The following TAF1A variants were observed in gnomAD, a reference collection of about 807,000 sequenced individuals.
TAF1A encodes TATA box-binding protein-associated factor RNA polymerase I subunit A.
A neutral mutation model predicts 61.6 loss-of-function variants in TAF1A; 42 were observed. The observed-to-expected ratio is 0.68, with a 90% CI of 0.53 to 0.88. The LOEUF (loss-of-function observed/expected upper bound fraction) is 0.88. TAF1A is among the 40% of genes least tolerant of loss of function. TAF1A has a pLI of 0.00. For missense variants in TAF1A, 424 were observed against 518.7 expected (o/e 0.82, Z 1.77); for synonymous variants, 179 against 177.7 (o/e 1.01, Z -0.06).
At chr1:222,583,425 C>T (rs1279242847) in intron 3 of TAF1A, among the ~76,000 whole-genome samples, 16 of 36,846 alleles carry the variant, frequency 4.3e-4, no homozygotes, top group Non-Finnish European at 7.4e-4. Context: ...CTTGATAAAA[C>T]GAAAAAAAAA....
chr1:222,571,668 A>G (rs901655837), intron 5 of TAF1A, among the ~76,000 whole-genome samples: 7 of 152,138 alleles, frequency 4.6e-5, no homozygotes, highest in African/African-American at 1.7e-4. Flanking sequence ...AAATTTTACA[A>G]AAGAGATGCA....
chr1:222,586,849 A>G (rs960058764), intron 2 of TAF1A, among the ~76,000 whole-genome samples: 1 of 152,254 alleles, frequency 6.6e-6, no homozygotes, highest in African/African-American at 2.4e-5. Context: ...TTTTCCTATT[A>G]TGGTTAATTA....
In TAF1A at chr1:222,558,617, A is replaced by T; in HGVS notation, c.*43T>A. 1 of 1,042,946 alleles carries T rather than the reference A, an allele frequency of 9.6e-7. No homozygotes were observed. The highest frequency in any genetic ancestry group is 1.4e-6 in the Non-Finnish European group (1 of 734,290). 64.6% of individuals were successfully genotyped at this position (1,042,946 alleles called of 1,614,324 possible). Reference sequence around the variant, plus strand: ...ACATTCAATAACTATCTACCAAGCTACTTACTGTGTAGCTACAACTGTGAA... The same window carrying T: ...ACATTCAATAACTATCTACCAAGCTTCTTACTGTGTAGCTACAACTGTGAA... On this transcript the variant is annotated 3_prime_UTR_variant, in exon 11 of 11. Transcript: ENST00000352967.
intron 10 of TAF1A, among the ~76,000 whole-genome samples, chr1:222,560,386 G>C (rs1184660387): frequency 1.3e-5 from 2 of 152,170 alleles, no homozygotes; most frequent in African/African-American, 4.8e-5. Context: ...AATAAGATGG[G>C]TGTTACAATG....
At chr1:222,579,656 C>T (rs1660706086) in intron 4 of TAF1A, 103 bp downstream of exon 4, 1 of 1,362,678 alleles carries the variant, frequency 7.3e-7, no homozygotes, top group African/African-American at 1.5e-5. Context: ...AATGTCTTAT[C>T]CTTGTCCCAC....
Position 222,589,815 on chromosome 1 carries a change from G to C in TAF1A, c.-91C>G, listed in dbSNP as rs1399959794. 2.7e-6 allele frequency: 1 copy of C among 369,788 alleles called. No homozygotes were observed. 22.9% of individuals were successfully genotyped at this position (369,788 alleles called of 1,614,324 possible). A position where few individuals can be genotyped will look rare whatever the true frequency, so the allele number is the denominator to read the frequency against. ...AAATTCCCACCGGAAGACGAGTTAG[G>C]AGAGCTTTATATGAGCAGGCGCTAA... On this transcript the variant is annotated 5_prime_UTR_variant, in exon 1 of 11. Transcript: ENST00000352967.
Position 222,563,235 on chromosome 1 carries a change from T to A in TAF1A, c.1023A>T (p.Gly341=). 6.2e-7 allele frequency: 1 copy of A among 1,612,868 alleles called. No homozygotes were observed. Among genetic ancestry groups the A allele is most frequent in the African/African-American group, 1.3e-5 (1 of 74,978 alleles). The change falls in exon 9 of 11, where the codon GGA becomes GGT. Residue 341 remains glycine, a synonymous_variant. Transcript: ENST00000352967. Reference sequence around the variant, plus strand: ...TCCAAGCAGTTATATTCTTAGTGCATCCGGCAAAATCTAAGACTCCAAATA... The same window carrying A: ...TCCAAGCAGTTATATTCTTAGTGCAACCGGCAAAATCTAAGACTCCAAATA... ...EVLFGVLDFA[G]CTKNITAWKY...
chr1:222,576,248 C>T (rs1660568195), intron 5 of TAF1A, among the ~76,000 whole-genome samples: 1 of 152,074 alleles, frequency 6.6e-6, no homozygotes, highest in African/African-American at 2.4e-5. Context: ...GGAGACTCTA[C>T]AAAGGCCTCA....
At position 222,569,790 on chromosome 1, in the gene TAF1A, A is replaced by AC; in HGVS notation, c.736-123_736-122insG. On this transcript the variant is annotated intron_variant, in intron 6 of 10. Transcript: ENST00000352967. ...AAATCACAAAACTGACAGGGTTCCCATTTTTTCCCTGTATTTTGTTACTAC... is the reference window on the plus strand; with the variant it reads ...AAATCACAAAACTGACAGGGTTCCCACTTTTTTCCCTGTATTTTGTTACTAC... 8.2e-6 allele frequency: 7 copies of AC among 857,512 alleles called. No homozygotes were observed. The South Asian group carries it at 1.4e-4, about 17-fold the overall frequency. The allele number at this position is 857,512 out of a possible 1,614,324, so 53.1% of individuals were successfully genotyped here. A position where few individuals can be genotyped will look rare whatever the true frequency, so the allele number is the denominator to read the frequency against.
At chr1:222,588,607 A>C in intron 1 of TAF1A, 42 bp from the exon 2 acceptor site, 1 of 1,598,500 alleles carries the variant, frequency 6.3e-7, no homozygotes, top group Non-Finnish European at 8.5e-7. Context: ...GTACATCTTA[A>C]TCCACAGTCT....
Position 222,588,467 on chromosome 1 carries a change from G to A in TAF1A, c.97C>T (p.Leu33Phe). 1 of 1,613,764 alleles carries A rather than the reference G, an allele frequency of 6.2e-7. No individual in the cohort carries two copies. Among genetic ancestry groups the A allele is most frequent in the Non-Finnish European group, 8.5e-7 (1 of 1,179,924 alleles). ...CCCACAGTTTCTACGTATGTTTGAA[G>A]CCAAGGAAAATGCATTCCTGCACCA... is the stretch of plus-strand genomic sequence containing the variant. ...LSGAGMHFPW[L>F]QTYVETVAIG... The change falls in exon 2 of 11, where the codon CTT (leucine) becomes TTT (phenylalanine). Residue 33 changes from leucine (L) to phenylalanine (F), a missense_variant. Leu to Phe is a conservative substitution (Grantham distance 22). Transcript: ENST00000352967.
chr1:222,565,321 A>G (rs1391994309), intron 7 of TAF1A, among the ~76,000 whole-genome samples: 1 of 152,210 alleles, frequency 6.6e-6, no homozygotes, highest in African/African-American at 2.4e-5. Flanking sequence ...GTTTAGCCTG[A>G]TATTTTCTAT....
At chr1:222,576,475 T>G (rs956782093) in intron 5 of TAF1A, among the ~76,000 whole-genome samples, 1 of 152,208 alleles carries the variant, frequency 6.6e-6, no homozygotes, top group African/African-American at 2.4e-5. Flanking sequence ...AGAGATTAGG[T>G]TAATCTCGAG....
At chr1:222,577,863 A>G (rs1417290572) in intron 4 of TAF1A, among the ~76,000 whole-genome samples, 2 of 152,212 alleles carry the variant, frequency 1.3e-5, no homozygotes, top group African/African-American at 2.4e-5. Flanking sequence ...ACTTACAAAC[A>G]AAAGACAGTG....
chr1:222,570,743 C>A, intron 5 of TAF1A, 78 bp from the exon 6 acceptor site: 1 of 1,403,524 alleles, frequency 7.1e-7, no homozygotes, highest in Non-Finnish European at 9.5e-7. Flanking sequence ...AAAAAACTAT[C>A]TGCGAGAAAA....
intron 4 of TAF1A, among the ~76,000 whole-genome samples, chr1:222,578,720 A>C (rs1660669121): frequency 6.6e-6 from 1 of 151,936 alleles, no homozygotes; most frequent in East Asian, 1.9e-4. Context: ...TTATCTTCTC[A>C]CCATTTGTTA....
rs1660615332 is a variant in TAF1A at position 222,577,433 on chromosome 1, G to GT, written c.604+11dup. Reference sequence around the variant, plus strand: ...TCTCATCATAAGAAAAAGTTTACCTGTATTCACTTACCAAGCTTTGACAAT... The same window carrying GT: ...TCTCATCATAAGAAAAAGTTTACCTGTTATTCACTTACCAAGCTTTGACAAT... On this transcript the variant is annotated intron_variant, in intron 5 of 10. Transcript: ENST00000352967. 4 of 1,611,978 alleles carry GT rather than the reference G, an allele frequency of 2.5e-6. No homozygotes were observed. Among genetic ancestry groups the GT allele is most frequent in the Non-Finnish European group, 3.4e-6 (4 of 1,178,428 alleles).
downstream of TAF1A, chr1:222,557,880 G>GTTTTTTTT (rs1226541871): frequency 4.3e-5 from 5 of 115,632 alleles, no homozygotes; most frequent in African/African-American, 7.1e-5. Context: ...GAGTCTTTTT[G>GTTTTTTTT]TTTTTTTTTT....
downstream of TAF1A, among the ~76,000 whole-genome samples, chr1:222,556,020 T>C (rs1659721121): frequency 6.6e-6 from 1 of 152,076 alleles, no homozygotes; most frequent in Admixed American, 6.5e-5. Context: ...TTCAGTACAG[T>C]GCAAAATCAC....
Sources: gnomAD v4.1 joint callset for allele counts (sites outside exome capture counted in the v4.1 genomes callset) on GRCh38, gnomAD v4.1.1 for gene constraint, MANE v1.5 for transcripts, NCBI Gene and HGNC (gene_info 2026-07-23, HGNC 2026-07-21) for gene names.